Variants in LOXL1 observed in about 807,000 individuals in gnomAD.
The protein encoded by LOXL1 is lysyl oxidase like 1.
In LOXL1, 31 loss-of-function variants were observed where a neutral mutation model predicts 62.2. That is an observed-to-expected ratio of 0.50 (90% CI 0.37 to 0.67). The LOEUF (loss-of-function observed/expected upper bound fraction) is 0.67, where lower values mean the gene tolerates loss of function less well. Among genes scored for constraint, LOXL1 ranks in the 30% least tolerant of loss-of-function variants. LOXL1 has a pLI of 0.00. For synonymous variants in LOXL1, 403 were observed against 384.4 expected, an observed-to-expected ratio of 1.05 and a Z score of -0.56; for missense variants, 775 against 843.4, an observed-to-expected ratio of 0.92 and a Z score of 1.00.
intron 2 of LOXL1, among the ~76,000 whole-genome samples, chr15:73,943,832 A>G (rs1434818089): frequency 6.6e-6 from 1 of 152,192 alleles, no homozygotes; most frequent in Non-Finnish European, 1.5e-5. Context: ...ACTATCTAGG[A>G]AACTCTTTAG....
At chr15:73,950,456 G>A (rs138197425) in intron 6 of LOXL1, among the ~76,000 whole-genome samples, 3 of 152,322 alleles carry the variant, frequency 2.0e-5, no homozygotes, top group African/African-American at 7.2e-5. Context: ...TATGGTCAGG[G>A]TGTGGTGTAT....
chr15:73,943,020 A>T, intron 2 of LOXL1, 58 bp downstream of exon 2: 1 of 1,389,734 alleles, frequency 7.2e-7, no homozygotes, highest in Non-Finnish European at 1.0e-6. Flanking sequence ...GTCACCCAGA[A>T]CCCAGCCTAG....
intron 1 of LOXL1, among the ~76,000 whole-genome samples, chr15:73,936,409 C>T (rs758795141): frequency 2.2e-4 from 33 of 152,188 alleles, no homozygotes; most frequent in Non-Finnish European, 4.3e-4. Context: ...TCTGGCTCAT[C>T]TTTATTCAAG....
At position 73,948,602 on chromosome 15, in the gene LOXL1, G is replaced by T. The variant is rs574188563; in HGVS notation, c.1602+700G>T. ...AAGGCAGAGCAGTGAAGCCAGGTTT[G>T]CAGGCGGAGGCCTTCCCTGCAGAAA... On this transcript the variant is annotated intron_variant, in intron 5 of 6. Coordinates refer to ENST00000261921, the MANE Select transcript of LOXL1 (RefSeq NM_005576.4). 9.3e-4 allele frequency among the ~76,000 whole-genome samples: 142 copies of T among 152,362 alleles called. 1 individual carries two copies. The highest frequency in any genetic ancestry group is 1.9e-3 in the South Asian group (9 of 4,828).
At chr15:73,927,943 TCCGGGCCCC>T (rs974348315) in intron 1 of LOXL1, 58 bp downstream of exon 1, 20 of 1,272,048 alleles carry the variant, frequency 1.6e-5, no homozygotes, top group Middle Eastern at 2.9e-4. Context: ...TGGAAACTGC[TCCGGGCCCC>T]CCGGGCCCCT....
chr15:73,939,222 A>T (rs1318798918), intron 1 of LOXL1, among the ~76,000 whole-genome samples: 3 of 152,154 alleles, frequency 2.0e-5, no homozygotes, highest in African/African-American at 4.8e-5. Context: ...TGCTGACGAA[A>T]TGTCCCCTGG....
At chr15:73,933,034 G>C (rs2068646266) in intron 1 of LOXL1, among the ~76,000 whole-genome samples, 1 of 152,090 alleles carries the variant, frequency 6.6e-6, no homozygotes, top group Non-Finnish European at 1.5e-5. Flanking sequence ...CACTTGCAAG[G>C]CACCTTCTCT....
chr15:73,933,660 G>A (rs1343114771), intron 1 of LOXL1, among the ~76,000 whole-genome samples: 1 of 152,244 alleles, frequency 6.6e-6, no homozygotes, highest in Non-Finnish European at 1.5e-5. Context: ...AGTAGCTCCT[G>A]AGTCCATTCT....
At chr15:73,937,358 T>C (rs1184218953) in intron 1 of LOXL1, among the ~76,000 whole-genome samples, 2 of 152,170 alleles carry the variant, frequency 1.3e-5, no homozygotes. Context: ...GTCCTGGAGG[T>C]TTGAAGGGCA....
At chr15:73,939,796 G>T (rs2068701163) in intron 1 of LOXL1, among the ~76,000 whole-genome samples, 1 of 152,192 alleles carries the variant, frequency 6.6e-6, no homozygotes, top group African/African-American at 2.4e-5. Flanking sequence ...GACAGGAGGA[G>T]TCCTGGGAGG....
At position 73,949,541 on chromosome 15, in the gene LOXL1, G is replaced by A. The variant is rs557975431; in HGVS notation, c.1685G>A (p.Arg562His). 9.3e-6 allele frequency: 15 copies of A among 1,613,960 alleles called. No homozygotes were observed. Among genetic ancestry groups the A allele is most frequent in the East Asian group, 8.9e-5 (4 of 44,880 alleles). The change falls in exon 6 of 7, where the codon CGC (arginine) becomes CAC (histidine). Residue 562 changes from arginine (R) to histidine (H), a missense_variant. Arg to His is a conservative substitution (Grantham distance 29). Transcript: ENST00000261921. ...AGATGCAACATTCACTACACAGGTC[G>A]CTACGTTTCTGCAACAAACTGCAAA... The part of the protein sequence containing the change: ...VVRCNIHYTG[R>H]YVSATNCKIV...
chr15:73,931,375 G>C (rs28522673), intron 1 of LOXL1, among the ~76,000 whole-genome samples: 34,392 of 152,010 alleles, frequency 0.23, 4,703 homozygotes, highest in African/African-American at 0.39. Flanking sequence ...TGCATGTGGG[G>C]CAGATAAACC....
chr15:73,938,315 C>CTATCTATCTATCTATCTAGA (rs748345626), intron 1 of LOXL1, among the ~76,000 whole-genome samples: 220 of 140,280 alleles, frequency 1.6e-3, no homozygotes, highest in Admixed American at 2.6e-3. Context: ...ATCTATCTAT[C>CTATCTATCTATCTATCTAGA]TAGGTAGATA....
intron 1 of LOXL1, 86 bp downstream of exon 1, chr15:73,927,971 C>T (rs1653020327): frequency 8.4e-7 from 1 of 1,192,134 alleles, no homozygotes; most frequent in Admixed American, 4.3e-5. Context: ...CTCCTTAGAA[C>T]TTCCTGGAGG....
chr15:73,927,541 C>A lies in LOXL1; in HGVS notation c.758C>A (p.Pro253Gln). Residue 253 changes from proline to glutamine, a missense_variant, in exon 1 of 7, where the codon CCG (proline) becomes CAG (glutamine). Physicochemically the swap from Pro to Gln is moderately conservative, Grantham distance 76. Coordinates refer to ENST00000261921, the MANE Select transcript of LOXL1 (RefSeq NM_005576.4). Reference sequence around the variant, plus strand: ...GAGTACCCGCCTCAGGGCTTCTACCCGGCCCCCGAGAGGCCCTACGTGCCG... The same window carrying A: ...GAGTACCCGCCTCAGGGCTTCTACCAGGCCCCCGAGAGGCCCTACGTGCCG... Reference protein sequence around the residue: ...LPEYPPQGFYPAPERPYVPPP... With the variant: ...LPEYPPQGFYQAPERPYVPPP... 6.7e-7 allele frequency: 1 copy of A among 1,496,956 alleles called. No homozygotes were observed. Among genetic ancestry groups the A allele is most frequent in the Non-Finnish European group, 8.8e-7 (1 of 1,130,164 alleles). The allele number at this position is 1,496,956 out of a possible 1,614,324, so 92.7% of individuals were successfully genotyped here.
intron 1 of LOXL1, among the ~76,000 whole-genome samples, chr15:73,935,605 AG>A (rs1309001091): frequency 6.6e-6 from 1 of 152,022 alleles, no homozygotes; most frequent in East Asian, 1.9e-4. Flanking sequence ...GCTCAGGGGC[AG>A]GGGTTGGGTT....
At chr15:73,938,328 T>TAGAA (rs2068690598) in intron 1 of LOXL1, among the ~76,000 whole-genome samples, 1 of 151,928 alleles carries the variant, frequency 6.6e-6, no homozygotes, top group African/African-American at 2.4e-5. Context: ...GGTAGATAGA[T>TAGAA]AGAACAGGAG....
chr15:73,932,195 G>T (rs970661445), intron 1 of LOXL1, among the ~76,000 whole-genome samples: 2 of 152,190 alleles, frequency 1.3e-5, no homozygotes, highest in Admixed American at 6.5e-5. Flanking sequence ...TCCCACATCT[G>T]CATCCAGAGG....
rs2068630801 is a variant in LOXL1 at position 73,930,904 on chromosome 15, T to C, written c.1102+3019T>C. On this transcript the variant is annotated intron_variant, in intron 1 of 6. Coordinates refer to ENST00000261921, the MANE Select transcript of LOXL1 (RefSeq NM_005576.4). The surrounding 1 kb of genome is among the most constrained non-coding windows in gnomAD (Gnocchi z 4.7). ...TTTGCCTGGCTCTCATAGCAAATCC[T>C]TGAAGAGAGGCCTGGAGGGTGGCCA... 6.6e-6 allele frequency among the ~76,000 whole-genome samples: 1 copy of C among 152,192 alleles called. No homozygotes were observed. The highest frequency in any genetic ancestry group is 2.4e-5 in the African/African-American group (1 of 41,462).
Sources: allele counts gnomAD v4.1 joint callset (sites outside exome capture counted in the v4.1 genomes callset), GRCh38; gene constraint gnomAD v4.1.1; non-coding constraint Gnocchi (gnomAD v3.1); transcripts MANE v1.5; gene names NCBI Gene and HGNC (gene_info 2026-07-23, HGNC 2026-07-21).